Variants in TPO observed in about 807,000 individuals in gnomAD.
The protein encoded by TPO is thyroid microsomal antigen.
Under a neutral mutation model 96.9 loss-of-function variants are expected in TPO, and 78 were observed. That is an observed-to-expected ratio of 0.81 (90% CI 0.67 to 0.97). TPO has a LOEUF of 0.97. TPO is among the 50% of genes least tolerant of loss of function. TPO has a pLI of 0.00. For synonymous variants in TPO, 547 were observed against 538.0 expected (o/e 1.02, Z -0.23); for missense variants, 1,252 against 1,274.8 (o/e 0.98, Z 0.27).
intron 10 of TPO, among the ~76,000 whole-genome samples, chr2:1,493,214 G>GGGT (rs1671961735): frequency 1.6e-5 from 2 of 125,008 alleles, no homozygotes; most frequent in Non-Finnish European, 1.7e-5. Context: ...GTGGGTGGGG[G>GGGT]GGGGGGTGCT....
At chr2:1,383,687 A>C (rs1200741040) in intron 1 of TPO, among the ~76,000 whole-genome samples, 2 of 152,014 alleles carry the variant, frequency 1.3e-5, no homozygotes, top group Non-Finnish European at 2.9e-5. Context: ...GTTCACTCTG[A>C]TGGTAGTTTC....
intron 3 of TPO, among the ~76,000 whole-genome samples, chr2:1,427,020 C>T (rs1664484492): frequency 6.6e-6 from 1 of 152,152 alleles, no homozygotes; most frequent in Admixed American, 6.5e-5. Context: ...GACCACCCTA[C>T]CCCCTCATTC....
intron 2 of TPO, among the ~76,000 whole-genome samples, chr2:1,420,761 T>C (rs1261327427): frequency 2.6e-5 from 4 of 152,050 alleles, no homozygotes; most frequent in African/African-American, 9.7e-5. Context: ...GGGAGATCAG[T>C]GCAGGAGCCA....
chr2:1,384,813 G>A (rs1250257915), intron 1 of TPO, among the ~76,000 whole-genome samples: 2 of 152,134 alleles, frequency 1.3e-5, no homozygotes, highest in Admixed American at 6.5e-5. Context: ...AATGCTTCCA[G>A]TTTTTGCCCA....
chr2:1,415,478 C>G (rs1171841746), intron 2 of TPO, among the ~76,000 whole-genome samples: 1 of 146,432 alleles, frequency 6.8e-6, no homozygotes, highest in African/African-American at 2.5e-5. Flanking sequence ...GCAGGTGACA[C>G]CTCGCTGGGC....
intron 7 of TPO, among the ~76,000 whole-genome samples, chr2:1,469,580 G>A (rs1159581693): frequency 6.6e-6 from 1 of 152,150 alleles, no homozygotes; most frequent in Non-Finnish European, 1.5e-5. Context: ...CCTCCTGAAG[G>A]ACCCCTGTGA....
rs4927611 is a variant in TPO at position 1,456,232 on chromosome 2, G to T, written c.769G>T (p.Ala257Ser). The change falls in exon 7 of 17, where the codon GCT becomes TCT. Residue 257 changes from alanine to serine, a missense_variant. Transcript: ENST00000329066. Reference sequence around the variant, plus strand: ...CAGCAAAGCTGCCTTCGGGGGAGGGGCTGACTGCCAGATGACTTGTGAGAA... The same window carrying T: ...CAGCAAAGCTGCCTTCGGGGGAGGGTCTGACTGCCAGATGACTTGTGAGAA... ...STSKAAFGGGADCQMTCENQN... is the reference protein window; with the variant it reads ...STSKAAFGGGSDCQMTCENQN... 0.38 allele frequency: 614,048 copies of T among 1,613,664 alleles called. 118,663 individuals carry two copies. Among genetic ancestry groups the T allele is most frequent in the South Asian group, 0.48 (44,034 of 91,054 alleles).
At chr2:1,407,826 A>T (rs1049626775) in intron 1 of TPO, among the ~76,000 whole-genome samples, 19 of 152,218 alleles carry the variant, frequency 1.2e-4, no homozygotes, top group African/African-American at 4.6e-4. Flanking sequence ...TTTCTATGAA[A>T]CCCACATCTT....
chr2:1,478,647 G>A (rs1198144430), intron 8 of TPO, among the ~76,000 whole-genome samples: 1 of 152,244 alleles, frequency 6.6e-6, no homozygotes, highest in Non-Finnish European at 1.5e-5. Context: ...ACAGGGGCTG[G>A]CAGCAGCAGG....
intron 3 of TPO, among the ~76,000 whole-genome samples, chr2:1,428,789 C>A (rs181157136): frequency 6.6e-6 from 1 of 152,136 alleles, no homozygotes; most frequent in Non-Finnish European, 1.5e-5. Flanking sequence ...AAGGAAAGCA[C>A]GCGTTTTGGG....
At chr2:1,530,976 A>C (rs1185395443) in intron 15 of TPO, among the ~76,000 whole-genome samples, 43 of 63,286 alleles carry the variant, frequency 6.8e-4, no homozygotes, top group Admixed American at 1.7e-3. Flanking sequence ...TCCCCCCAGT[A>C]TGTGCAACCT....
intron 5 of TPO, among the ~76,000 whole-genome samples, chr2:1,439,984 C>T (rs142940000): frequency 5.3e-5 from 8 of 152,356 alleles, no homozygotes; most frequent in Middle Eastern, 6.8e-3. Context: ...TAAGTTCCCC[C>T]CCAGCGGTCT....
At chr2:1,491,032 T>C (rs990890520) in intron 10 of TPO, among the ~76,000 whole-genome samples, 2 of 152,102 alleles carry the variant, frequency 1.3e-5, no homozygotes, top group African/African-American at 4.8e-5. Flanking sequence ...CAGCTGGGCG[T>C]GGTGGCAGAC....
At chr2:1,431,398 G>A (rs1164826942) in intron 3 of TPO, among the ~76,000 whole-genome samples, 2 of 152,200 alleles carry the variant, frequency 1.3e-5, no homozygotes, top group African/African-American at 4.8e-5. Context: ...ACAGCCCGCA[G>A]AACCTTGAGC....
At position 1,436,365 on chromosome 2, in the gene TPO, A is replaced by G; in HGVS notation, c.463A>G (p.Thr155Ala). 6.2e-7 allele frequency: 1 copy of G among 1,614,178 alleles called. No homozygotes were observed. The highest frequency in any genetic ancestry group is 8.5e-7 in the Non-Finnish European group (1 of 1,180,038). ...TCLANKYRPI[T>A]GACNNRDHPR... The stretch of plus-strand genomic sequence containing the variant: ...CCTGGCGAACAAATACAGGCCCATC[A>G]CAGGAGCTTGCAACAACAGGTATTG... Residue 155 changes from threonine (T) to alanine (A), a missense_variant, in exon 5 of 17, where the codon ACA (threonine) becomes GCA (alanine). Thr to Ala is a moderately conservative substitution (Grantham distance 58). Transcript: ENST00000329066.
intron 15 of TPO, among the ~76,000 whole-genome samples, chr2:1,524,615 GTGCAACCTCCTCAAATCCCCCTACTGCC>G (rs1337939193): frequency 7.9e-5 from 8 of 101,206 alleles, no homozygotes; most frequent in Admixed American, 2.7e-4. Context: ...CGCTCACTGT[GTGCAACCTCCTCAAATCCCCCTACTGCC>G]TGCAACCTCC....
At chr2:1,413,964 T>C (rs1662611136) in intron 1 of TPO, among the ~76,000 whole-genome samples, 2 of 152,224 alleles carry the variant, frequency 1.3e-5, no homozygotes, top group African/African-American at 4.8e-5. Context: ...AGAAATTCAA[T>C]AGGCATTTAG....
At chr2:1,415,381 C>A (rs1385793685) in intron 2 of TPO, among the ~76,000 whole-genome samples, 3 of 144,720 alleles carry the variant, frequency 2.1e-5, no homozygotes, top group Non-Finnish European at 3.0e-5. Context: ...CCCTGGGCCT[C>A]TGGACACAGT....
chr2:1,430,313 G>A (rs550296807), intron 3 of TPO, among the ~76,000 whole-genome samples: 66 of 152,322 alleles, frequency 4.3e-4, no homozygotes, highest in Middle Eastern at 3.4e-3. Flanking sequence ...GCTTTCACAC[G>A]GTGTTCAGCC....
Sources: allele counts gnomAD v4.1 joint callset (sites outside exome capture counted in the v4.1 genomes callset), GRCh38; gene constraint gnomAD v4.1.1; transcripts MANE v1.5; gene names NCBI Gene and HGNC (gene_info 2026-07-23, HGNC 2026-07-21).